The following SCLY variants were observed in gnomAD, a reference collection of about 807,000 sequenced individuals.
The protein encoded by SCLY is selenocysteine lyase.
In SCLY, 38 loss-of-function variants were observed where a neutral mutation model predicts 50.1. The ratio of observed to expected loss-of-function variants is 0.76; its 90% CI spans 0.59 to 0.99. The LOEUF (loss-of-function observed/expected upper bound fraction) is 0.99. Ranked by LOEUF, SCLY falls within the 50% of genes least tolerant of loss-of-function variation. SCLY has a pLI of 0.00. For missense variants in SCLY, 600 were observed against 620.0 expected (o/e 0.97, Z 0.34); for synonymous variants, 243 against 249.4 (o/e 0.97, Z 0.24).
chr2:238,071,178 G>A (rs1446230081), intron 4 of SCLY, among the ~76,000 whole-genome samples: 1 of 152,102 alleles, frequency 6.6e-6, no homozygotes, highest in Non-Finnish European at 1.5e-5. Context: ...TACCAATACA[G>A]AGAAGGGCAA....
chr2:238,080,337 C>G (rs1208995543), intron 4 of SCLY: 2 of 152,224 alleles, frequency 1.3e-5, no homozygotes, highest in African/African-American at 4.8e-5. Flanking sequence ...TAGAATCAGT[C>G]ATTTACCTGT....
intron 2 of SCLY, among the ~76,000 whole-genome samples, chr2:238,065,447 G>A (rs2106435628): frequency 6.6e-6 from 1 of 152,216 alleles, no homozygotes; most frequent in Non-Finnish European, 1.5e-5. Flanking sequence ...CGCTCTCAGG[G>A]AGAAATCATG....
intron 4 of SCLY, among the ~76,000 whole-genome samples, chr2:238,070,981 G>A (rs891810540): frequency 7.2e-5 from 11 of 151,918 alleles, no homozygotes; most frequent in African/African-American, 2.4e-4. Context: ...ACAGGCACAC[G>A]CCACCATGCC....
At chr2:238,079,644 G>A (rs1371751643) in intron 4 of SCLY, 1 of 152,094 alleles carries the variant, frequency 6.6e-6, no homozygotes, top group Non-Finnish European at 1.5e-5. Flanking sequence ...GCAATATACA[G>A]TTACACTGCC....
At position 238,099,259 on chromosome 2, in the gene SCLY, T is replaced by C. The variant is rs1691389636; in HGVS notation, c.*904T>C. On this transcript the variant is annotated 3_prime_UTR_variant, in exon 12 of 12. Coordinates refer to ENST00000254663, the MANE Select transcript of SCLY (RefSeq NM_016510.7). ...TTCTTTTCTCAAAATGCTCTGGCAT[T>C]TGGACACACATCACATGTCGATATT... 4.2e-6 allele frequency: 2 copies of C among 471,542 alleles called. No individual in the cohort carries two copies. Among genetic ancestry groups the C allele is most frequent in the African/African-American group, 4.0e-5 (2 of 50,082 alleles). 29.2% of individuals were successfully genotyped at this position (471,542 alleles called of 1,614,324 possible).
intron 4 of SCLY, among the ~76,000 whole-genome samples, chr2:238,076,568 T>C (rs2065176292): frequency 6.6e-6 from 1 of 152,068 alleles, no homozygotes; most frequent in Non-Finnish European, 1.5e-5. Flanking sequence ...AAGAGTGTAT[T>C]GTTCTGCGGA....
Position 238,084,893 on chromosome 2 carries a change from CAAAAAAA to C in SCLY, c.884+1551_884+1557del, listed in dbSNP as rs377025100. Among the ~76,000 whole-genome samples, 6 of 107,508 alleles carry C rather than the reference CAAAAAAA, an allele frequency of 5.6e-5. No individual in the cohort carries two copies. The South Asian group carries it at 1.2e-3, about 21-fold the overall frequency. The allele number at this position is 107,508 out of a possible 152,430, so 70.5% of individuals were successfully genotyped here. A position where few individuals can be genotyped will look rare whatever the true frequency, so the allele number is the denominator to read the frequency against. On this transcript the variant is annotated intron_variant, in intron 7 of 11. Coordinates refer to ENST00000254663, the MANE Select transcript of SCLY (RefSeq NM_016510.7). ...TGGGTGACAGAGAGAGACTCCATCT[CAAAAAAA>C]AAAAAAAAAAAGAAACCTAGACTTC...
intron 8 of SCLY, chr2:238,091,523 AGG>A: frequency 2.3e-6 from 1 of 429,950 alleles, no homozygotes; most frequent in Non-Finnish European, 4.3e-6. Context: ...GTTACAGCAG[AGG>A]TGAAGTGTCA....
intron 7 of SCLY, among the ~76,000 whole-genome samples, chr2:238,085,866 AAAT>A (rs1224119588): frequency 6.6e-6 from 1 of 152,228 alleles, no homozygotes; most frequent in African/African-American, 2.4e-5. Flanking sequence ...AATGGCTAAA[AAAT>A]TTCCTGAATT....
At chr2:238,061,823 T>C (rs1231793856) in intron 1 of SCLY, among the ~76,000 whole-genome samples, 4 of 152,146 alleles carry the variant, frequency 2.6e-5, no homozygotes, top group Admixed American at 6.5e-5. Flanking sequence ...CCGAAGCACG[T>C]GGTATCCATA....
rs2065086562 is a variant in SCLY at position 238,067,923 on chromosome 2, C to T, written c.203-142C>T. ...GTTGTGTCTAGGTTGTAGCATTTTGCTGTGCTCACATTAAGGGGCCAGGTT... is the reference window on the plus strand; with the variant it reads ...GTTGTGTCTAGGTTGTAGCATTTTGTTGTGCTCACATTAAGGGGCCAGGTT... On this transcript the variant is annotated intron_variant, in intron 2 of 11. Transcript: ENST00000254663. This position sits in a 1 kb window ranked among gnomAD's most constrained non-coding sequence, Gnocchi z 4.3. The T allele has an allele frequency of 1.7e-6, 1 of 581,586 alleles. No individual in the cohort carries two copies. Among genetic ancestry groups the T allele is most frequent in the Non-Finnish European group, 3.0e-6 (1 of 331,196 alleles). The allele number at this position is 581,586 out of a possible 1,614,324, so 36.0% of individuals were successfully genotyped here.
intron 11 of SCLY, among the ~76,000 whole-genome samples, chr2:238,097,998 G>A (rs1247651781): frequency 2.0e-5 from 3 of 152,168 alleles, no homozygotes; most frequent in Non-Finnish European, 2.9e-5. Context: ...CAGGGAGAAC[G>A]GGGGCGACTT....
intron 7 of SCLY, among the ~76,000 whole-genome samples, chr2:238,090,617 C>T (rs1404322585): frequency 1.3e-5 from 2 of 152,120 alleles, no homozygotes; most frequent in African/African-American, 4.8e-5. Flanking sequence ...GCCTGGGCAA[C>T]AGAACGAGAC....
At chr2:238,086,458 C>G (rs948857658) in intron 7 of SCLY, among the ~76,000 whole-genome samples, 13 of 152,180 alleles carry the variant, frequency 8.5e-5, no homozygotes, top group Non-Finnish European at 1.5e-4. Flanking sequence ...CACCTATAAT[C>G]CCCCTGCTTT....
At chr2:238,084,893 C>CAAAAAAAA (rs377025100) in intron 7 of SCLY, among the ~76,000 whole-genome samples, 11 of 107,480 alleles carry the variant, frequency 1.0e-4, no homozygotes, top group Admixed American at 1.1e-4. Flanking sequence ...GACTCCATCT[C>CAAAAAAAA]AAAAAAAAAA....
chr2:238,069,202 G>A lies in SCLY; in HGVS notation c.304-95G>A. On this transcript the variant is annotated intron_variant, in intron 3 of 11. Coordinates refer to ENST00000254663, the MANE Select transcript of SCLY (RefSeq NM_016510.7). The surrounding 1 kb of genome is among the most constrained non-coding windows in gnomAD (Gnocchi z 5.0). ...TGAATTTCTTTGAAGCTTTTTTGAT[G>A]TTAGCCACAAAAGAAATTAAGTAAC... The A allele has an allele frequency of 8.6e-7, 1 of 1,160,858 alleles. No individual in the cohort carries two copies. 71.9% of individuals were successfully genotyped at this position (1,160,858 alleles called of 1,614,324 possible). A position where few individuals can be genotyped will look rare whatever the true frequency, so the allele number is the denominator to read the frequency against.
chr2:238,093,752 T>A, intron 8 of SCLY, 109 bp from the exon 9 acceptor site: 1 of 1,013,390 alleles, frequency 9.9e-7, no homozygotes, highest in East Asian at 2.6e-5. Flanking sequence ...TCTGTGACTG[T>A]CAGGAGAATG....
intron 4 of SCLY, among the ~76,000 whole-genome samples, chr2:238,070,888 G>C (rs919731298): frequency 8.6e-5 from 13 of 150,660 alleles, no homozygotes; most frequent in Middle Eastern, 3.2e-3. Flanking sequence ...CTGATGCATA[G>C]TGGTGTGATC....
At chr2:238,084,503 A>T (rs1198294858) in intron 7 of SCLY, among the ~76,000 whole-genome samples, 2 of 146,396 alleles carry the variant, frequency 1.4e-5, no homozygotes, top group African/African-American at 5.1e-5. Context: ...AGGCAGGAGA[A>T]TTGCTTGAAC....
Sources: gnomAD v4.1 joint callset for allele counts (sites outside exome capture counted in the v4.1 genomes callset) on GRCh38, gnomAD v4.1.1 for gene constraint, Gnocchi (gnomAD v3.1) non-coding constraint, MANE v1.5 for transcripts, NCBI Gene and HGNC (gene_info 2026-07-23, HGNC 2026-07-21) for gene names.